MARCHF1: variants seen among roughly 807,000 people sequenced by gnomAD.
MARCHF1 encodes E3 ubiquitin-protein ligase MARCHF1.
MARCHF1 carries 40 observed loss-of-function variants against 54.2 expected under a neutral mutation model. The observed-to-expected ratio is 0.74, with a 90% CI of 0.57 to 0.96. The LOEUF is 0.96. MARCHF1 is among the 40% of genes least tolerant of loss of function. The probability of loss-of-function intolerance (pLI) is 0.00; values close to 1 mark genes in which losing one functional copy is unlikely to be tolerated. For synonymous variants in MARCHF1, 236 were observed against 236.3 expected, an observed-to-expected ratio of 1.00 and a Z score of 0.01; for missense variants, 586 against 656.5, an observed-to-expected ratio of 0.89 and a Z score of 1.17.
chr4:163,634,116 C>A (rs1331361787), intron 5 of MARCHF1, among the ~76,000 whole-genome samples: 1 of 152,170 alleles, frequency 6.6e-6, no homozygotes, highest in Non-Finnish European at 1.5e-5. Context: ...TGGAAAGGAA[C>A]AACCGGTACC....
intron 4 of MARCHF1, among the ~76,000 whole-genome samples, chr4:163,721,923 C>T (rs1745480831): frequency 1.3e-5 from 2 of 151,938 alleles, no homozygotes; most frequent in African/African-American, 4.8e-5. Context: ...TCTCTCTTTT[C>T]CTCTTTATTA....
intron 7 of MARCHF1, among the ~76,000 whole-genome samples, chr4:163,608,532 A>G (rs1741217561): frequency 6.6e-6 from 1 of 152,092 alleles, no homozygotes; most frequent in Non-Finnish European, 1.5e-5. Flanking sequence ...ACATGATCTG[A>G]TTCATGTTTG....
intron 1 of MARCHF1, among the ~76,000 whole-genome samples, chr4:164,126,913 C>T (rs1756195007): frequency 2.0e-5 from 3 of 151,940 alleles, no homozygotes; most frequent in African/African-American, 7.2e-5. Context: ...AATTAGCCCA[C>T]CATGTTGGTG....
intron 4 of MARCHF1, among the ~76,000 whole-genome samples, chr4:163,811,650 A>T (rs1748391630): frequency 6.6e-6 from 1 of 152,242 alleles, no homozygotes; most frequent in African/African-American, 2.4e-5. Flanking sequence ...ATTGAATTAC[A>T]GATAAAATAA....
At chr4:163,561,353 A>T (rs1410305476) in intron 8 of MARCHF1, among the ~76,000 whole-genome samples, 6 of 152,160 alleles carry the variant, frequency 3.9e-5, no homozygotes, top group Non-Finnish European at 8.8e-5. Context: ...ATTCTCTCTT[A>T]TAGCTAGTTC....
chr4:163,703,109 T>C (rs1404908839), intron 4 of MARCHF1, among the ~76,000 whole-genome samples: 1 of 152,188 alleles, frequency 6.6e-6, no homozygotes, highest in Non-Finnish European at 1.5e-5. Flanking sequence ...AAATGAGTTA[T>C]AAATGAAAAC....
At chr4:163,961,004 T>A (rs1752336519) in intron 3 of MARCHF1, among the ~76,000 whole-genome samples, 1 of 151,766 alleles carries the variant, frequency 6.6e-6, no homozygotes, top group South Asian at 2.1e-4. Flanking sequence ...TGTGGAGAGT[T>A]CCCTGATGTC....
intron 4 of MARCHF1, among the ~76,000 whole-genome samples, chr4:163,715,407 G>A (rs1745227079): frequency 6.6e-6 from 1 of 152,130 alleles, no homozygotes; most frequent in South Asian, 2.1e-4. Context: ...CACCAGATGA[G>A]CCGAAATTTT....
At chr4:164,277,688 T>C (rs1235726515) in intron 1 of MARCHF1, among the ~76,000 whole-genome samples, 1 of 152,254 alleles carries the variant, frequency 6.6e-6, no homozygotes. Context: ...TGTCAACATG[T>C]ACTTCATACA....
intron 1 of MARCHF1, among the ~76,000 whole-genome samples, chr4:164,139,407 C>T (rs926171688): frequency 6.6e-6 from 1 of 151,664 alleles, no homozygotes. Flanking sequence ...GACAATCTAA[C>T]AGCTAGTGAC....
chr4:163,918,503 A>G (rs1428529414), intron 3 of MARCHF1, among the ~76,000 whole-genome samples: 1 of 152,110 alleles, frequency 6.6e-6, no homozygotes, highest in Non-Finnish European at 1.5e-5. Context: ...AGAAGCATTA[A>G]TTGTGGAAAT....
chr4:164,262,249 C>A (rs552580220), intron 1 of MARCHF1, among the ~76,000 whole-genome samples: 1 of 152,030 alleles, frequency 6.6e-6, no homozygotes, highest in Admixed American at 6.6e-5. Flanking sequence ...TGACTATGTG[C>A]AGACTTGGGA....
chr4:163,661,281 A>G (rs1235508839), intron 5 of MARCHF1, among the ~76,000 whole-genome samples: 1 of 151,980 alleles, frequency 6.6e-6, no homozygotes, highest in Non-Finnish European at 1.5e-5. Context: ...ATCTTGCTAG[A>G]AGTTATATTT....
At chr4:163,560,003 A>AAATATT (rs151065348) in intron 8 of MARCHF1, among the ~76,000 whole-genome samples, 8,831 of 152,248 alleles carry the variant, frequency 0.058, 378 homozygotes, top group South Asian at 0.14. Flanking sequence ...TTTGATATGA[A>AAATATT]AATATTATTT....
At chr4:164,033,256 C>A (rs980895478) in intron 2 of MARCHF1, among the ~76,000 whole-genome samples, 12 of 151,242 alleles carry the variant, frequency 7.9e-5, no homozygotes, top group Admixed American at 2.0e-4. Context: ...CTTCCCTATA[C>A]CTTATACAAA....
In MARCHF1 at chr4:164,331,249, A is replaced by C. The variant is rs578198973; in HGVS notation, c.-323+52621T>G. Among the ~76,000 whole-genome samples the C allele has an allele frequency of 2.6e-5, 4 of 152,318 alleles. No individual in the cohort carries two copies. The South Asian group carries it at 6.2e-4, about 24-fold the overall frequency. On this transcript the variant is annotated intron_variant, in intron 1 of 9. Coordinates refer to ENST00000514618, the MANE Select transcript of MARCHF1 (RefSeq NM_001394959.1). ...TAGAAAAGTAAACAGTGGCTCATTC[A>C]AAATAAGTTACATTAAAAAAAAGTA...
intron 4 of MARCHF1, among the ~76,000 whole-genome samples, chr4:163,836,957 G>A (rs1295613823): frequency 6.6e-6 from 1 of 151,994 alleles, no homozygotes; most frequent in Non-Finnish European, 1.5e-5. Context: ...ATAATTGCTC[G>A]TATATAATAC....
chr4:163,580,819 G>GGTA (rs1367850995), intron 8 of MARCHF1, among the ~76,000 whole-genome samples: 2 of 40,302 alleles, frequency 5.0e-5, no homozygotes, highest in African/African-American at 1.0e-4. Flanking sequence ...TTTTTGAGAC[G>GGTA]GAGTCTCGCT....
At chr4:163,839,506 A>G (rs982210809) in intron 4 of MARCHF1, among the ~76,000 whole-genome samples, 4 of 152,170 alleles carry the variant, frequency 2.6e-5, no homozygotes, top group African/African-American at 7.2e-5. Flanking sequence ...TTGTATTCAT[A>G]CAACGAAATA....
Sources: allele counts gnomAD v4.1 joint callset (sites outside exome capture counted in the v4.1 genomes callset), GRCh38; gene constraint gnomAD v4.1.1; transcripts MANE v1.5; gene names NCBI Gene and HGNC (gene_info 2026-07-23, HGNC 2026-07-21).